TNK2: variants seen among roughly 807,000 people sequenced by gnomAD.
TNK2 encodes tyrosine kinase non receptor 2, also known as activated CDC42 kinase 1.
Under a neutral mutation model 101.8 loss-of-function variants are expected in TNK2, and 83 were observed. That is an observed-to-expected ratio of 0.82 (90% confidence interval 0.68 to 0.98). The LOEUF is 0.98. TNK2 is among the 50% of genes least tolerant of loss of function. The pLI is 0.00. For missense variants in TNK2, 1,665 were observed against 1,483.2 expected, an observed-to-expected ratio of 1.12 and a Z score of -2.01; for synonymous variants, 804 against 633.0, an observed-to-expected ratio of 1.27 and a Z score of -4.06.
Position 195,901,983 on chromosome 3 carries a change from G to A in TNK2, c.-19+6502C>T, listed in dbSNP as rs756535099. ...GAGGAAGTCTGAAGAAGGGACAGGG[G>A]TTCCAGGAAAAAACAGTAGATTCCA... On this transcript the variant is annotated intron_variant, in intron 1 of 15. Transcript: ENST00000672887. 2.0e-5 allele frequency among the ~76,000 whole-genome samples: 3 copies of A among 152,118 alleles called. 1 individual carries two copies. The highest frequency in any genetic ancestry group is 2.0e-4 in the Admixed American group (3 of 15,272).
At chr3:195,903,072 T>C (rs1217531433) in intron 1 of TNK2, among the ~76,000 whole-genome samples, 2 of 122,438 alleles carry the variant, frequency 1.6e-5, no homozygotes, top group African/African-American at 3.2e-5. Context: ...TTTTTTTTTT[T>C]CTTTTGTGAC....
intron 1 of TNK2, among the ~76,000 whole-genome samples, chr3:195,889,573 G>A (rs761906295): frequency 2.0e-5 from 3 of 152,122 alleles, no homozygotes; most frequent in Non-Finnish European, 4.4e-5. Flanking sequence ...CTTAATATTC[G>A]TCTTTCTCCT....
At chr3:195,871,002 T>TG (rs35224968) in intron 10 of TNK2, among the ~76,000 whole-genome samples, 91 of 83,576 alleles carry the variant, frequency 1.1e-3, no homozygotes, top group South Asian at 5.1e-3. Flanking sequence ...GCCCGCTGTG[T>TG]GGGTTCTGGT....
At chr3:195,904,339 A>G (rs1761525169) in intron 1 of TNK2, among the ~76,000 whole-genome samples, 1 of 152,076 alleles carries the variant, frequency 6.6e-6, no homozygotes, top group East Asian at 1.9e-4. Flanking sequence ...ACAATAGAAT[A>G]TTATTTACCC....
Position 195,868,480 on chromosome 3 carries a change from C to G in TNK2, c.1818G>C (p.Gln606His). ...GCAGGGAGCAGGCGTCCATGGCCAG[C>G]TGCGCCAGGGAGGGCGCGCAGGGCC... is the stretch of plus-strand genomic sequence containing the variant. Reference protein sequence around the residue: ...ALRPCAPSLAQLAMDACSLLD... With the variant: ...ALRPCAPSLAHLAMDACSLLD... The change falls in exon 13 of 16, where the codon CAG becomes CAC. Residue 606 changes from glutamine to histidine, a missense_variant. By Grantham distance (24) the Gln-to-His change is conservative (BLOSUM62 0). Coordinates refer to ENST00000672887, the MANE Select transcript of TNK2 (RefSeq NM_001382273.1). 1.9e-6 allele frequency: 3 copies of G among 1,550,650 alleles called. No homozygotes were observed. The highest frequency in any genetic ancestry group is 2.6e-6 in the Non-Finnish European group (3 of 1,160,056).
Position 195,868,552 on chromosome 3 carries a change from C to T in TNK2, c.1746G>A (p.Glu582=), listed in dbSNP as rs200202060. 7.0e-6 allele frequency: 11 copies of T among 1,571,968 alleles called. No individual in the cohort carries two copies. In the Admixed American group the frequency reaches 1.6e-4, roughly 23 times the overall value. ...GTKASRGSGA[E]VTLIDFGEEP... The stretch of plus-strand genomic sequence containing the variant: ...CCTCACCGAAGTCGATGAGCGTGAC[C>T]TCAGCCCCGCTGCCTCGGCTGGCCT... The change falls in exon 13 of 16, where the codon GAG becomes GAA. Residue 582 remains glutamate (E), a synonymous_variant. Transcript: ENST00000672887.
intron 1 of TNK2, among the ~76,000 whole-genome samples, chr3:195,897,002 A>T (rs1462873162): frequency 6.6e-6 from 1 of 151,646 alleles, no homozygotes; most frequent in South Asian, 2.1e-4. Context: ...TGCCAACCCT[A>T]CCTCCCAGCC....
intron 1 of TNK2, among the ~76,000 whole-genome samples, chr3:195,902,970 G>A (rs1163669546): frequency 6.6e-6 from 1 of 151,728 alleles, no homozygotes. Flanking sequence ...GGCTGGTCTT[G>A]AACTCGTGAC....
intron 6 of TNK2, among the ~76,000 whole-genome samples, chr3:195,881,644 C>G (rs1457944893): frequency 8.2e-4 from 84 of 102,890 alleles, no homozygotes; most frequent in African/African-American, 2.8e-3. Context: ...CACCCCCCCC[C>G]CAGCAACGCC....
intron 1 of TNK2, chr3:195,892,327 G>C (rs940168191): frequency 3.2e-5 from 43 of 1,359,926 alleles, no homozygotes; most frequent in Non-Finnish European, 4.1e-5. Context: ...GCCGCTCCCA[G>C]TCTTGCTTTC....
At chr3:195,869,681 C>T in intron 11 of TNK2, 140 bp from the exon 12 acceptor site, 3 of 887,656 alleles carry the variant, frequency 3.4e-6, no homozygotes, top group South Asian at 1.5e-5. Context: ...GTACAAGCCC[C>T]CAGCAAACGG....
chr3:195,868,376 G>A lies in TNK2; in HGVS notation c.1922C>T (p.Ala641Val), dbSNP rs775441917. The A allele has an allele frequency of 3.8e-6, 6 of 1,594,268 alleles. No homozygotes were observed. The highest frequency in any genetic ancestry group is 1.1e-5 in the South Asian group (1 of 90,038). The change falls in exon 13 of 16, where the codon GCA becomes GTA. Residue 641 changes from alanine to valine, a missense_variant. This residue lies in a region of TNK2 where 1,136 missense variants were observed against 894.9 expected (regional missense o/e 1.27). Transcript: ENST00000672887. ...GGCGGGCGGGGGGGGCAGCGGGCGTGCGTCCCAGTCCACCACAGGCGTGGG... is the reference window on the plus strand; with the variant it reads ...GGCGGGCGGGGGGGGCAGCGGGCGTACGTCCCAGTCCACCACAGGCGTGGG... Reference protein sequence around the residue: ...LHPTPVVDWDARPLPPPPAYD... With the variant: ...LHPTPVVDWDVRPLPPPPAYD...
intron 9 of TNK2, among the ~76,000 whole-genome samples, chr3:195,873,529 T>A (rs1243094604): frequency 6.9e-6 from 1 of 144,786 alleles, no homozygotes; most frequent in Admixed American, 6.8e-5. Context: ...GTGGGCAGAG[T>A]CTGGGCACGC....
Position 195,864,073 on chromosome 3 carries a change from A to G in TNK2, c.*108T>C. ...GCCTTGCTCCATCCCCGGGAGCAGC[A>G]GGAGCAGCGGGTCCTCCAGGACTGG... On this transcript the variant is annotated 3_prime_UTR_variant, in exon 16 of 16. Transcript: ENST00000672887. 1 of 1,475,650 alleles carries G rather than the reference A, an allele frequency of 6.8e-7. No homozygotes were observed. Among genetic ancestry groups the G allele is most frequent in the Non-Finnish European group, 9.4e-7 (1 of 1,064,924 alleles). The allele number at this position is 1,475,650 out of a possible 1,614,324, so 91.4% of individuals were successfully genotyped here. A position where few individuals can be genotyped will look rare whatever the true frequency, so the allele number is the denominator to read the frequency against.
intron 9 of TNK2, chr3:195,876,576 C>CGGT: frequency 4.4e-6 from 2 of 456,676 alleles, no homozygotes; most frequent in Non-Finnish European, 4.4e-6. Context: ...CCAAGCCTCA[C>CGGT]CGGCTGTTGT....
At position 195,878,900 on chromosome 3, in the gene TNK2, C is replaced by A. The variant is rs527564038; in HGVS notation, c.1014+149G>T. 1 of 1,273,510 alleles carries A rather than the reference C, an allele frequency of 7.9e-7. No individual in the cohort carries two copies. Among genetic ancestry groups the A allele is most frequent in the Non-Finnish European group, 1.1e-6 (1 of 915,506 alleles). The allele number at this position is 1,273,510 out of a possible 1,614,324, so 78.9% of individuals were successfully genotyped here. A position where few individuals can be genotyped will look rare whatever the true frequency, so the allele number is the denominator to read the frequency against. ...ACGGGGCGTGAGAGGAGACACGGGG[C>A]GTGGTGGGAGGCACGGGAAGTGGGG... is the stretch of plus-strand genomic sequence containing the variant. On this transcript the variant is annotated intron_variant, in intron 7 of 15. Coordinates refer to ENST00000672887, the MANE Select transcript of TNK2 (RefSeq NM_001382273.1). This position sits in a 1 kb window ranked among gnomAD's most constrained non-coding sequence, Gnocchi z 4.7.
chr3:195,864,886 C>T (rs116082540), intron 15 of TNK2, among the ~76,000 whole-genome samples: 1,397 of 133,560 alleles, frequency 0.01, 41 homozygotes, highest in African/African-American at 0.038. Flanking sequence ...CAAGTGCCTG[C>T]GTCCCGGGTG....
intron 11 of TNK2, chr3:195,869,826 G>T: frequency 7.0e-6 from 4 of 567,738 alleles, no homozygotes; most frequent in South Asian, 4.7e-5. Context: ...GGATTAGGGG[G>T]AAGTGAGGAA....
chr3:195,891,755 C>T (rs1228758316), intron 1 of TNK2, among the ~76,000 whole-genome samples: 2 of 152,188 alleles, frequency 1.3e-5, no homozygotes, highest in Non-Finnish European at 2.9e-5. Context: ...CCACCAACTC[C>T]CAAGGATCCA....
Sources: allele counts gnomAD v4.1 joint callset (sites outside exome capture counted in the v4.1 genomes callset), GRCh38; gene constraint gnomAD v4.1.1; regional missense constraint gnomAD v4.1.1; non-coding constraint Gnocchi (gnomAD v3.1); transcripts MANE v1.5; gene names NCBI Gene and HGNC (gene_info 2026-07-23, HGNC 2026-07-21).